The following DCAF13 variants were observed in gnomAD, a reference collection of about 807,000 sequenced individuals.
DCAF13 encodes the protein DDB1 and CUL4 associated factor 13.
Under a neutral mutation model 59.0 loss-of-function variants are expected in DCAF13, and 38 were observed. The ratio of observed to expected loss-of-function variants is 0.64; its 90% confidence interval spans 0.50 to 0.84. DCAF13 has a LOEUF of 0.84. Among genes scored for constraint, DCAF13 ranks in the 40% least tolerant of loss-of-function variants. DCAF13 has a pLI of 0.00. For synonymous variants in DCAF13, 173 were observed against 175.0 expected, an observed-to-expected ratio of 0.99 and a Z score of 0.09; for missense variants, 469 against 558.4, an observed-to-expected ratio of 0.84 and a Z score of 1.61.
At chr8:103,425,942 A>G (rs1816786860) in intron 3 of DCAF13, 114 bp from the exon 4 acceptor site, 2 of 726,870 alleles carry the variant, frequency 2.8e-6, no homozygotes, top group South Asian at 3.0e-5. Flanking sequence ...GTAATACTGG[A>G]ATGATATGGT....
In DCAF13 at chr8:103,415,429, G is replaced by T. The variant is rs767614845; in HGVS notation, c.-18G>T. 1 of 1,614,024 alleles carries T rather than the reference G, an allele frequency of 6.2e-7. No individual in the cohort carries two copies. Among genetic ancestry groups the T allele is most frequent in the African/African-American group, 1.3e-5 (1 of 74,938 alleles). On this transcript the variant is annotated 5_prime_UTR_variant, in exon 1 of 11. Transcript: ENST00000612750. ...CCTAGCGGACACCTCGTGGAGTCCGGCCGGAAGAGCAACCGAGATGAAGGT... is the reference window on the plus strand; with the variant it reads ...CCTAGCGGACACCTCGTGGAGTCCGTCCGGAAGAGCAACCGAGATGAAGGT...
chr8:103,417,663 A>C (rs2130470071), intron 1 of DCAF13, among the ~76,000 whole-genome samples: 1 of 150,798 alleles, frequency 6.6e-6, no homozygotes, highest in East Asian at 2.0e-4. Context: ...AAAAAAAAGA[A>C]CATCTTTAAT....
chr8:103,416,833 A>G (rs1816624120), intron 1 of DCAF13, among the ~76,000 whole-genome samples: 1 of 152,318 alleles, frequency 6.6e-6, no homozygotes, highest in African/African-American at 2.4e-5. Context: ...TTTTGCCTAC[A>G]TGAAGAGATT....
At chr8:103,422,138 G>C (rs781722409) in intron 3 of DCAF13, among the ~76,000 whole-genome samples, 3 of 152,194 alleles carry the variant, frequency 2.0e-5, no homozygotes, top group Non-Finnish European at 4.4e-5. Flanking sequence ...AGGATTGACA[G>C]GTTTGACAAC....
At chr8:103,425,060 T>C (rs1371582624) in intron 3 of DCAF13, among the ~76,000 whole-genome samples, 5 of 152,222 alleles carry the variant, frequency 3.3e-5, no homozygotes, top group East Asian at 3.8e-4. Context: ...GTAAACTGTT[T>C]TGCAAGAAGC....
chr8:103,438,974 G>A (rs999460750), intron 8 of DCAF13, among the ~76,000 whole-genome samples: 9 of 151,944 alleles, frequency 5.9e-5, no homozygotes, highest in Admixed American at 2.6e-4. Flanking sequence ...TTCCAAATAG[G>A]TATGATATTT....
chr8:103,438,397 C>T (rs913862116), intron 8 of DCAF13, among the ~76,000 whole-genome samples: 1 of 151,458 alleles, frequency 6.6e-6, no homozygotes, highest in African/African-American at 2.4e-5. Flanking sequence ...TGTAAAAGAC[C>T]AGTTTTGTGA....
Position 103,426,060 on chromosome 8 carries a change from G to C in DCAF13, c.383G>C (p.Gly128Ala), listed in dbSNP as rs1335125791. The change falls in exon 4 of 11, where the codon GGT (glycine) becomes GCT (alanine). Residue 128 changes from glycine to alanine, a missense_variant. Physicochemically the swap from Gly to Ala is moderately conservative, Grantham distance 60 (BLOSUM62 0). This residue lies in a region of DCAF13 where 355 missense variants were observed against 399.1 expected (regional missense o/e 0.89). Coordinates refer to ENST00000612750, the MANE Select transcript of DCAF13 (RefSeq NM_015420.7). Reference sequence around the variant, plus strand: ...TAATAAAACAAATATTTCTAGGTTGGTGATGACAAAACTGTGAAGCAGTGG... The same window carrying C: ...TAATAAAACAAATATTTCTAGGTTGCTGATGACAAAACTGTGAAGCAGTGG... The part of the protein sequence containing the change: ...RFCGTSFFTV[G>A]DDKTVKQWKM... 1 of 1,610,654 alleles carries C rather than the reference G, an allele frequency of 6.2e-7. No homozygotes were observed. Among genetic ancestry groups the C allele is most frequent in the Admixed American group, 1.7e-5 (1 of 60,004 alleles).
rs753746269 is a variant in DCAF13, at chr8:103,430,580, T to C, written c.625-32T>C. ...GATGTGGTTTGCTGCCAGGTCTGGC[T>C]TTGAACTGGTGATTGTTATACTTGT... On this transcript the variant is annotated intron_variant, in intron 5 of 10. Transcript: ENST00000612750. 2.6e-6 allele frequency: 4 copies of C among 1,536,146 alleles called. No individual in the cohort carries two copies. In the East Asian group the frequency reaches 9.1e-5, roughly 35 times the overall value.
Position 103,427,099 on chromosome 8 carries a change from A to C in DCAF13, c.471A>C (p.Thr157=). The change falls in exon 5 of 11, where the codon ACA becomes ACC. Residue 157 remains threonine, a splice_region_variant and synonymous_variant. Transcript: ENST00000612750. ...EEPLHTILGK[T]VYTGIDHHWK... ...TCTTAACCTTTTTGCTTTTAAAGAC[A>C]GTGTATACTGGGATTGATCATCACT... 6.3e-7 allele frequency: 1 copy of C among 1,596,736 alleles called. No individual in the cohort carries two copies. The highest frequency in any genetic ancestry group is 8.5e-7 in the Non-Finnish European group (1 of 1,175,506).
chr8:103,416,835 G>A (rs1217714144), intron 1 of DCAF13, among the ~76,000 whole-genome samples: 1 of 152,132 alleles, frequency 6.6e-6, no homozygotes, highest in Non-Finnish European at 1.5e-5. Context: ...TTGCCTACAT[G>A]AAGAGATTTA....
At position 103,440,331 on chromosome 8, in the gene DCAF13, ACATTATGAAAAT is replaced by A; in HGVS notation, c.1086+61_1086+72del. ...CTGATTTCTAATTTTATTAGATATTACATTATGAAAATTTACTTTTAGGTATTTTTGGGTATT... is the reference window on the plus strand; with the variant it reads ...CTGATTTCTAATTTTATTAGATATTATTACTTTTAGGTATTTTTGGGTATT... On this transcript the variant is annotated intron_variant, in intron 9 of 10. Transcript: ENST00000612750. 119 of 1,422,392 alleles carry A rather than the reference ACATTATGAAAAT, an allele frequency of 8.4e-5. 1 individual carries two copies. The highest frequency in any genetic ancestry group is 2.8e-4 in the Admixed American group (11 of 38,964). The allele number at this position is 1,422,392 out of a possible 1,614,324, so 88.1% of individuals were successfully genotyped here. A position where few individuals can be genotyped will look rare whatever the true frequency, so the allele number is the denominator to read the frequency against.
At chr8:103,429,811 T>G (rs1816837661) in intron 5 of DCAF13, 1 of 152,188 alleles carries the variant, frequency 6.6e-6, no homozygotes, top group South Asian at 2.1e-4. Context: ...TGCATTAAAA[T>G]GGACATATCC....
chr8:103,441,185 C>T (rs1385763713), intron 9 of DCAF13: 3 of 300,464 alleles, frequency 1.0e-5, no homozygotes, highest in Non-Finnish European at 1.8e-5. Context: ...GAAGGTCCAA[C>T]TCAGTGATCC....
At chr8:103,415,574 C>T (rs947506354) in intron 1 of DCAF13, 58 bp downstream of exon 1, 20 of 1,513,360 alleles carry the variant, frequency 1.3e-5, no homozygotes, top group Non-Finnish European at 1.8e-5. Context: ...GGTCTAGCCT[C>T]GGCTTTCGCG....
intron 1 of DCAF13, among the ~76,000 whole-genome samples, chr8:103,418,868 T>TATA (rs1816680417): frequency 4.0e-4 from 5 of 12,512 alleles, no homozygotes; most frequent in South Asian, 2.9e-3. Flanking sequence ...ATATATATAT[T>TATA]TTTTTTTTTT....
intron 9 of DCAF13, chr8:103,441,198 G>A (rs779521388): frequency 1.8e-5 from 6 of 328,738 alleles, no homozygotes; most frequent in Non-Finnish European, 2.8e-5. Context: ...AGTGATCCAC[G>A]TGGCCCTACT....
At chr8:103,431,140 A>G (rs1224026525) in intron 6 of DCAF13, among the ~76,000 whole-genome samples, 4 of 152,346 alleles carry the variant, frequency 2.6e-5, no homozygotes, top group East Asian at 1.9e-4. Flanking sequence ...ATGCTGATCA[A>G]TACTAGTTTG....
chr8:103,420,854 A>T, intron 2 of DCAF13, 121 bp from the exon 3 acceptor site: 1 of 676,386 alleles, frequency 1.5e-6, no homozygotes, highest in Non-Finnish European at 2.6e-6. Flanking sequence ...CATTGTTTTA[A>T]TCCAAAGGAT....
Sources: allele counts gnomAD v4.1 joint callset (sites outside exome capture counted in the v4.1 genomes callset), GRCh38; gene constraint gnomAD v4.1.1; regional missense constraint gnomAD v4.1.1; transcripts MANE v1.5; gene names NCBI Gene and HGNC (gene_info 2026-07-23, HGNC 2026-07-21).